Variants in CYP2J2 observed in about 807,000 individuals in gnomAD.
CYP2J2 encodes the protein cytochrome P450 2J2.
Under a neutral mutation model 48.8 loss-of-function variants are expected in CYP2J2, and 41 were observed. The ratio of observed to expected loss-of-function variants is 0.84; its 90% CI spans 0.66 to 1.09. CYP2J2 has a LOEUF of 1.09. Among genes scored for constraint, CYP2J2 ranks in the 50% least tolerant of loss-of-function variants. The pLI is 0.00. For missense variants in CYP2J2, 644 were observed against 617.3 expected, an observed-to-expected ratio of 1.04 and a Z score of -0.46; for synonymous variants, 221 against 227.1, an observed-to-expected ratio of 0.97 and a Z score of 0.24.
intron 8 of CYP2J2, among the ~76,000 whole-genome samples, chr1:59,896,994 A>G (rs1022158580): frequency 6.6e-6 from 1 of 152,206 alleles, no homozygotes; most frequent in African/African-American, 2.4e-5. Flanking sequence ...ATGCATGCCT[A>G]AGTTTTGTCC....
At chr1:59,933,575 G>T in the CYP2J2 span, among the ~76,000 whole-genome samples, 3 of 151,988 alleles carry the variant, frequency 2.0e-5, no homozygotes, top group African/African-American at 7.2e-5. Flanking sequence ...ACAGTTTTTT[G>T]GGGGGTGGTG....
At chr1:59,925,971 C>T (rs181094394) in intron 1 of CYP2J2, among the ~76,000 whole-genome samples, 51 of 152,124 alleles carry the variant, frequency 3.4e-4, no homozygotes, top group African/African-American at 1.1e-3. Flanking sequence ...TGTATAGAGA[C>T]GGAAAGAAGC....
the CYP2J2 span, among the ~76,000 whole-genome samples, chr1:59,933,405 T>C: frequency 2.5e-4 from 38 of 152,192 alleles, no homozygotes; most frequent in African/African-American, 8.9e-4. Context: ...TCATTTTAAG[T>C]GTCAATAATC....
chr1:59,933,173 T>C, the CYP2J2 span, among the ~76,000 whole-genome samples: 7 of 152,260 alleles, frequency 4.6e-5, no homozygotes, highest in African/African-American at 1.7e-4. Context: ...TTTCAATCAG[T>C]TGGAAATGTG....
chr1:59,910,573 G>A (rs1162796675), intron 4 of CYP2J2, among the ~76,000 whole-genome samples: 1 of 152,020 alleles, frequency 6.6e-6, no homozygotes, highest in Non-Finnish European at 1.5e-5. Flanking sequence ...TTTTGATAAT[G>A]GCATACTGTG....
At chr1:59,898,033 C>T (rs1644284767) in intron 8 of CYP2J2, among the ~76,000 whole-genome samples, 1 of 152,192 alleles carries the variant, frequency 6.6e-6, no homozygotes, top group Non-Finnish European at 1.5e-5. Flanking sequence ...TGCTTTGGGA[C>T]ATCCCAGATA....
At chr1:59,955,718 T>A in the CYP2J2 span, among the ~76,000 whole-genome samples, 2 of 152,128 alleles carry the variant, frequency 1.3e-5, no homozygotes, top group Non-Finnish European at 2.9e-5. Context: ...AAACTTAATG[T>A]ATGCACGAGG....
chr1:59,923,741 AT>A (rs1302108236), intron 1 of CYP2J2, among the ~76,000 whole-genome samples: 1 of 152,200 alleles, frequency 6.6e-6, no homozygotes, highest in Non-Finnish European at 1.5e-5. Context: ...AGAAGAACAT[AT>A]TCAAACTAAA....
the CYP2J2 span, among the ~76,000 whole-genome samples, chr1:59,955,261 TATCC>T: frequency 3.8e-5 from 1 of 26,120 alleles, no homozygotes. Context: ...TCCATATATA[TATCC>T]ATATATATAT....
In CYP2J2 at chr1:59,907,872, A is replaced by T; in HGVS notation, c.917T>A (p.Leu306Gln). 1 of 1,614,076 alleles carries T rather than the reference A, an allele frequency of 6.2e-7. No homozygotes were observed. Among genetic ancestry groups the T allele is most frequent in the South Asian group, 1.1e-5 (1 of 91,082 alleles). ...CTCGGTTCCGGCAAAGAAGAGGTCCAGGGTGCTGCAGATGAGGTTTTCTTC... is the reference window on the plus strand; with the variant it reads ...CTCGGTTCCGGCAAAGAAGAGGTCCTGGGTGCTGCAGATGAGGTTTTCTTC... ...FHEENLICST[L>Q]DLFFAGTETT... Residue 306 changes from leucine (L) to glutamine (Q), a missense_variant, in exon 6 of 9, where the codon CTG becomes CAG. Physicochemically the swap from Leu to Gln is moderately radical, Grantham distance 113. Coordinates refer to ENST00000371204, the MANE Select transcript of CYP2J2 (RefSeq NM_000775.4).
upstream of CYP2J2, among the ~76,000 whole-genome samples, chr1:59,927,016 C>T (rs17119890): frequency 2.6e-5 from 4 of 152,324 alleles, no homozygotes; most frequent in East Asian, 7.7e-4. Flanking sequence ...GTTCAATCAC[C>T]GTCTCTCCTA....
intron 1 of CYP2J2, among the ~76,000 whole-genome samples, chr1:59,918,372 C>T (rs1644484569): frequency 6.6e-6 from 1 of 152,130 alleles, no homozygotes; most frequent in African/African-American, 2.4e-5. Context: ...GGGAGGGATT[C>T]AGAACTCCAT....
chr1:59,911,687 T>C lies in CYP2J2; in HGVS notation c.605A>G (p.Glu202Gly). 2.5e-6 allele frequency: 4 copies of C among 1,613,736 alleles called. No homozygotes were observed. Among genetic ancestry groups the C allele is most frequent in the Non-Finnish European group, 3.4e-6 (4 of 1,179,726 alleles). Residue 202 changes from glutamate to glycine, a missense_variant, in exon 4 of 9, where the codon GAG (glutamate) becomes GGG (glycine). Coordinates refer to ENST00000371204, the MANE Select transcript of CYP2J2 (RefSeq NM_000775.4). ...ICSITFGERFEYQDSWFQQLL... is the reference protein window; with the variant it reads ...ICSITFGERFGYQDSWFQQLL... ...CTGCTGAAACCAACTATCCTGGTAC[T>C]CAAAGCGTTCTCCGAAGGTGATGGA...
At chr1:59,925,045 GAAGA>G (rs990607739) in intron 1 of CYP2J2, among the ~76,000 whole-genome samples, 1 of 152,086 alleles carries the variant, frequency 6.6e-6, no homozygotes, top group Non-Finnish European at 1.5e-5. Context: ...ATAAAATTAT[GAAGA>G]ATTAAGAGGG....
chr1:59,962,787 G>T, the CYP2J2 span, among the ~76,000 whole-genome samples: 1 of 152,130 alleles, frequency 6.6e-6, no homozygotes, highest in South Asian at 2.1e-4. Flanking sequence ...AGAACACTAC[G>T]TTGACACTGT....
chr1:59,935,015 CATATATATATATATATATATATATAT>C, the CYP2J2 span, among the ~76,000 whole-genome samples: 1 of 47,496 alleles, frequency 2.1e-5, no homozygotes, highest in Non-Finnish European at 4.2e-5. Flanking sequence ...TATATATATA[CATATATATATATATATATATATATAT>C]ATATATATAT....
chr1:59,945,658 T>G, the CYP2J2 span, among the ~76,000 whole-genome samples: 1 of 152,194 alleles, frequency 6.6e-6, no homozygotes, highest in Admixed American at 6.5e-5. Flanking sequence ...ATTCTTTAAA[T>G]TTCAATTTTC....
intron 4 of CYP2J2, 76 bp from the exon 5 acceptor site, chr1:59,910,036 T>C: frequency 8.8e-7 from 1 of 1,138,810 alleles, no homozygotes; most frequent in Non-Finnish European, 1.3e-6. Context: ...AGAAACCATC[T>C]TCTCTTTCCG....
chr1:59,905,000 G>GGCTGT lies in CYP2J2; in HGVS notation c.1057_1061dup (p.Ala355GlnfsTer26), dbSNP rs1559073752. On this transcript the variant is annotated frameshift_variant, in exon 7 of 9. Transcript: ENST00000371204. LOFTEE classifies it high-confidence loss of function. ...TGGTGTAGGGCATGGACTCCCGGGC[G>GGCTGT]GCTGTGCTCGGCTGCTGCCCCTGGC... 3.7e-6 allele frequency: 6 copies of GGCTGT among 1,613,880 alleles called. No homozygotes were observed. Among genetic ancestry groups the GGCTGT allele is most frequent in the Non-Finnish European group, 5.1e-6 (6 of 1,179,946 alleles).
Sources: allele counts gnomAD v4.1 joint callset (sites outside exome capture counted in the v4.1 genomes callset), GRCh38; gene constraint gnomAD v4.1.1; transcripts MANE v1.5; gene names NCBI Gene and HGNC (gene_info 2026-07-23, HGNC 2026-07-21).